The following DNHD1 variants were observed in gnomAD, a reference collection of about 807,000 sequenced individuals.
DNHD1 encodes dynein heavy chain domain-containing protein 1.
In DNHD1, 383 loss-of-function variants were observed where a neutral mutation model predicts 458.1. The observed-to-expected ratio is 0.84, with a 90% CI of 0.77 to 0.91. DNHD1 has a LOEUF of 0.91. Ranked by LOEUF, DNHD1 falls within the 40% of genes least tolerant of loss-of-function variation. The pLI is 0.00. For missense variants in DNHD1, 5,336 were observed against 5,866.1 expected (o/e 0.91, Z 2.95); for synonymous variants, 2,203 against 2,376.9 (o/e 0.93, Z 2.13).
chr11:6,563,225 T>C (rs1056253565), intron 29 of DNHD1, 94 bp downstream of exon 29: 3 of 1,536,772 alleles, frequency 2.0e-6, no homozygotes, highest in Non-Finnish European at 1.8e-6. Flanking sequence ...GAGTGACTCA[T>C]CATGGAATCT....
chr11:6,539,799 C>T, intron 17 of DNHD1, 77 bp from the exon 18 acceptor site: 1 of 1,379,544 alleles, frequency 7.2e-7, no homozygotes, highest in Non-Finnish European at 1.0e-6. Flanking sequence ...GCCTCAGATC[C>T]AATCCCCAAG....
In DNHD1 at chr11:6,559,114, T is replaced by A. The variant is rs1853531062; in HGVS notation, c.9416+8T>A. 6.4e-7 allele frequency: 1 copy of A among 1,551,686 alleles called. No individual in the cohort carries two copies. On this transcript the variant is annotated splice_region_variant and intron_variant, in intron 27 of 42. Transcript: ENST00000254579. Reference sequence around the variant, plus strand: ...TAAGAACAAGGCCCAGCGGTGAGTGTCCCGTCCCCTGCAGTGTACCTCCTT... The same window carrying A: ...TAAGAACAAGGCCCAGCGGTGAGTGACCCGTCCCCTGCAGTGTACCTCCTT...
rs755117041 is a variant in DNHD1, at chr11:6,570,710, G to A, written c.13198G>A (p.Gly4400Ser). 1.2e-6 allele frequency: 2 copies of A among 1,611,102 alleles called. No homozygotes were observed. Among genetic ancestry groups the A allele is most frequent in the Non-Finnish European group, 1.7e-6 (2 of 1,178,772 alleles). The change falls in exon 42 of 43, where the codon GGC (glycine) becomes AGC (serine). Residue 4400 changes from glycine (G) to serine (S), a missense_variant. This residue lies in a region of DNHD1 where 698 missense variants were observed against 664.9 expected (regional missense o/e 1.05). Transcript: ENST00000254579. ...PEPRLCGLSE[G>S]PQAWLLRRQS... ...ACCCCGGCTCTGCGGACTGAGTGAG[G>A]GCCCCCAAGCCTGGCTGTTGCGACG...
rs1226116437 is a variant in DNHD1 at position 6,546,115 on chromosome 11, C to G, written c.5176C>G (p.Leu1726Val). Residue 1726 changes from leucine to valine, a missense_variant, in exon 21 of 43, where the codon CTG becomes GTG. By Grantham distance (32) the Leu-to-Val change is conservative (BLOSUM62 1). Around this residue, in one of 4 missense-constraint regions of DNHD1, gnomAD observed 3,932 missense variants for 4,365.6 expected, o/e 0.90. Transcript: ENST00000254579. ...AGAGGCTCAATGCCTGAGCAACTAT[C>G]TGAATGGTGCCCTGCAGGGTGGTGC... ...QIEAQCLSNY[L>V]NGALQGGAWL... 1.3e-6 allele frequency: 2 copies of G among 1,551,556 alleles called. No homozygotes were observed. Among genetic ancestry groups the G allele is most frequent in the East Asian group, 4.9e-5 (2 of 40,902 alleles).
chr11:6,570,426 G>C, intron 41 of DNHD1, 30 bp downstream of exon 41: 1 of 1,587,042 alleles, frequency 6.3e-7, no homozygotes, highest in Non-Finnish European at 8.6e-7. Context: ...CTGTTTTGGG[G>C]TAGGGAATAG....
intron 24 of DNHD1, among the ~76,000 whole-genome samples, chr11:6,554,689 T>C (rs1316877132): frequency 1.3e-5 from 2 of 152,298 alleles, no homozygotes; most frequent in East Asian, 1.9e-4. Flanking sequence ...TGCTTGATAT[T>C]ATCAGGCATC....
intron 10 of DNHD1, among the ~76,000 whole-genome samples, chr11:6,526,541 A>G (rs1239699723): frequency 2.0e-5 from 3 of 152,166 alleles, no homozygotes; most frequent in Non-Finnish European, 1.5e-5. Flanking sequence ...CTTAACTTTC[A>G]AAAGAAGACT....
Position 6,559,258 on chromosome 11 carries a change from A to G in DNHD1, c.9494A>G (p.Glu3165Gly), listed in dbSNP as rs1853534252. The stretch of plus-strand genomic sequence containing the variant: ...CATGCCAATCTGATCTTTGACTTGG[A>G]ACAGCAGCTGAAAGACTCCGGCAAG... The part of the protein sequence containing the change: ...GTHANLIFDL[E>G]QQLKDSGKSL... Residue 3165 changes from glutamate (E) to glycine (G), a missense_variant, in exon 28 of 43, where the codon GAA becomes GGA. Coordinates refer to ENST00000254579, the MANE Select transcript of DNHD1 (RefSeq NM_144666.3). 6.4e-7 allele frequency: 1 copy of G among 1,551,662 alleles called. No homozygotes were observed. Among genetic ancestry groups the G allele is most frequent in the Non-Finnish European group, 8.7e-7 (1 of 1,146,970 alleles).
At chr11:6,506,633 A>G in intron 4 of DNHD1, among the ~76,000 whole-genome samples, 1 of 152,116 alleles carries the variant, frequency 6.6e-6, no homozygotes, top group South Asian at 2.1e-4. Context: ...CATTTAGGAG[A>G]GAATTTATTC....
chr11:6,530,915 G>A (rs1852816035), intron 12 of DNHD1, among the ~76,000 whole-genome samples: 2 of 150,274 alleles, frequency 1.3e-5, no homozygotes, highest in Admixed American at 1.3e-4. Flanking sequence ...TCTTTAAGAG[G>A]AGCAGGTGGA....
At chr11:6,561,314 G>T (rs531057538) in intron 28 of DNHD1, among the ~76,000 whole-genome samples, 271 of 152,272 alleles carry the variant, frequency 1.8e-3, no homozygotes, top group Non-Finnish European at 3.0e-3. Flanking sequence ...TGTAGTTCCA[G>T]CTACTCAGGA....
At position 6,544,617 on chromosome 11, in the gene DNHD1, T is replaced by A. The variant is rs1445958148; in HGVS notation, c.3798T>A (p.Ile1266=). 1.3e-6 allele frequency: 2 copies of A among 1,551,478 alleles called. No individual in the cohort carries two copies. The highest frequency in any genetic ancestry group is 3.9e-5 in the Admixed American group (2 of 50,988). The change falls in exon 20 of 43, where the codon ATT becomes ATA. Residue 1266 remains isoleucine, a synonymous_variant. Coordinates refer to ENST00000254579, the MANE Select transcript of DNHD1 (RefSeq NM_144666.3). ...GGCTGACTTTCCAGCAGAAGTGGAT[T>A]TTTCTGAATAAAGTTCTGCATGAGA... The part of the protein sequence containing the change: ...EVWLTFQQKW[I]FLNKVLHEMK...
chr11:6,571,151 C>T lies in DNHD1; in HGVS notation c.13639C>T (p.Pro4547Ser). 1 of 1,602,484 alleles carries T rather than the reference C, an allele frequency of 6.2e-7. No individual in the cohort carries two copies. Among genetic ancestry groups the T allele is most frequent in the Non-Finnish European group, 8.5e-7 (1 of 1,175,616 alleles). Residue 4547 changes from proline to serine, a missense_variant, in exon 42 of 43, where the codon CCG (proline) becomes TCG (serine). This residue lies in a region of DNHD1 where 698 missense variants were observed against 664.9 expected (regional missense o/e 1.05). Transcript: ENST00000254579. The surrounding 1 kb of genome is among the most constrained non-coding windows in gnomAD (Gnocchi z 5.0). ...ACCTCATGCGCCGGCCGGTCCGCAGCCGCCCTGGCACTGGCTGCGACAGTT... is the reference window on the plus strand; with the variant it reads ...ACCTCATGCGCCGGCCGGTCCGCAGTCGCCCTGGCACTGGCTGCGACAGTT... ...WRPHAPAGPQ[P>S]PWHWLRQLSR...
chr11:6,565,632 T>C, intron 32 of DNHD1, 63 bp from the exon 33 acceptor site: 1 of 1,437,278 alleles, frequency 7.0e-7, no homozygotes, highest in Non-Finnish European at 9.2e-7. Flanking sequence ...CTTCAGTGAA[T>C]TCCTCCCCTA....
intron 7 of DNHD1, among the ~76,000 whole-genome samples, chr11:6,516,046 C>G (rs1325202992): frequency 6.6e-6 from 1 of 151,716 alleles, no homozygotes; most frequent in Non-Finnish European, 1.5e-5. Context: ...CTCGCCCTCC[C>G]AAAGTGCTGG....
At position 6,533,854 on chromosome 11, in the gene DNHD1, C is replaced by G. The variant is rs1236842982; in HGVS notation, c.2679C>G (p.Pro893=). The G allele has an allele frequency of 1.9e-6, 3 of 1,551,262 alleles. No individual in the cohort carries two copies. The change falls in exon 14 of 43, where the codon CCC becomes CCG. Residue 893 remains proline (P), a synonymous_variant. Coordinates refer to ENST00000254579, the MANE Select transcript of DNHD1 (RefSeq NM_144666.3). ...CACCCATCCCTCCCTGCCCTCCTCC[C>G]CCACAACCACATCTACTCCACTGCC... ...GESPIPPCPP[P]PQPHLLHCPL... is the part of the protein sequence containing the mutation.
intron 7 of DNHD1, among the ~76,000 whole-genome samples, chr11:6,514,738 C>T (rs1415776848): frequency 6.6e-6 from 1 of 151,880 alleles, no homozygotes. Context: ...ACATTATTTT[C>T]TAAATAATTT....
At chr11:6,504,100 A>G (rs1326439507) in intron 4 of DNHD1, 1 of 152,206 alleles carries the variant, frequency 6.6e-6, no homozygotes, top group Non-Finnish European at 1.5e-5. Flanking sequence ...AAATAACCTT[A>G]TTTCCTGTGC....
chr11:6,524,176 T>C (rs1334735445), intron 10 of DNHD1, among the ~76,000 whole-genome samples: 2 of 152,200 alleles, frequency 1.3e-5, no homozygotes, highest in African/African-American at 2.4e-5. Context: ...CTGAGCACTC[T>C]CATAGGTCTT....
Sources: gnomAD v4.1 joint callset for allele counts (sites outside exome capture counted in the v4.1 genomes callset) on GRCh38, gnomAD v4.1.1 for gene constraint, gnomAD v4.1.1 regional missense constraint, Gnocchi (gnomAD v3.1) non-coding constraint, MANE v1.5 for transcripts, NCBI Gene and HGNC (gene_info 2026-07-23, HGNC 2026-07-21) for gene names.